ARHGEF11: variants seen among roughly 807,000 people sequenced by gnomAD.
ARHGEF11 encodes the protein Rho guanine exchange factor (GEF) 11.
Under a neutral mutation model 193.7 loss-of-function variants are expected in ARHGEF11, and 55 were observed. The ratio of observed to expected loss-of-function variants is 0.28; its 90% CI spans 0.23 to 0.36. The LOEUF (loss-of-function observed/expected upper bound fraction) is 0.36. Ranked by LOEUF, ARHGEF11 falls within the 10% of genes least tolerant of loss-of-function variation. The probability of loss-of-function intolerance (pLI) is 1.00; values close to 1 mark genes in which losing one functional copy is unlikely to be tolerated. For missense variants in ARHGEF11, 1,723 were observed against 2,005.6 expected (o/e 0.86, Z 2.69); for synonymous variants, 693 against 768.0 (o/e 0.90, Z 1.62).
At chr1:156,978,439 A>C in intron 5 of ARHGEF11, 57 bp from the exon 6 acceptor site, 1 of 1,522,344 alleles carries the variant, frequency 6.6e-7, no homozygotes, top group Non-Finnish European at 8.8e-7. Context: ...GAGACAGTCC[A>C]GCTATACAGG....
At chr1:156,979,877 C>T (rs373499905) in intron 4 of ARHGEF11, among the ~76,000 whole-genome samples, 1 of 152,156 alleles carries the variant, frequency 6.6e-6, no homozygotes, top group African/African-American at 2.4e-5. Flanking sequence ...CTTTTCTAAC[C>T]ATTTGCTTCA....
At chr1:156,985,035 A>T (rs1021598085) in intron 2 of ARHGEF11, among the ~76,000 whole-genome samples, 3 of 151,922 alleles carry the variant, frequency 2.0e-5, no homozygotes, top group African/African-American at 7.3e-5. Flanking sequence ...TTAAAAAAAT[A>T]CAGAATTAAA....
At chr1:157,025,077 C>T (rs1485700041) in intron 1 of ARHGEF11, among the ~76,000 whole-genome samples, 1 of 152,200 alleles carries the variant, frequency 6.6e-6, no homozygotes, top group African/African-American at 2.4e-5. Context: ...AACTTAGGAT[C>T]AATGAACATC....
chr1:157,031,885 C>T (rs1173275899), intron 1 of ARHGEF11, among the ~76,000 whole-genome samples: 1 of 152,186 alleles, frequency 6.6e-6, no homozygotes. Flanking sequence ...GTTAAGAGCT[C>T]TAACAACATT....
At chr1:157,013,263 T>TCTCA (rs1553228483) in intron 1 of ARHGEF11, among the ~76,000 whole-genome samples, 2 of 140,708 alleles carry the variant, frequency 1.4e-5, no homozygotes, top group South Asian at 4.6e-4. Flanking sequence ...CCACTATCAC[T>TCTCA]CACACACACA....
intron 32 of ARHGEF11, among the ~76,000 whole-genome samples, chr1:156,943,531 C>T (rs1010641871): frequency 6.6e-6 from 1 of 152,170 alleles, no homozygotes; most frequent in Non-Finnish European, 1.5e-5. Context: ...TCCACTGGAC[C>T]CAGCTCTGTA....
chr1:156,990,182 A>G (rs1041734318), intron 1 of ARHGEF11, among the ~76,000 whole-genome samples: 1 of 152,232 alleles, frequency 6.6e-6, no homozygotes, highest in Non-Finnish European at 1.5e-5. Context: ...CTTGTCTCTC[A>G]TAACACTGAC....
At chr1:157,039,170 C>T (rs185138044) in intron 1 of ARHGEF11, among the ~76,000 whole-genome samples, 212 of 152,266 alleles carry the variant, frequency 1.4e-3, no homozygotes, top group Non-Finnish European at 1.7e-3. Flanking sequence ...TCTTTTCAAG[C>T]TTTCATTTTC....
At chr1:156,938,627 T>C (rs1451886047) in intron 37 of ARHGEF11, 114 bp from the exon 38 acceptor site, 3 of 913,610 alleles carry the variant, frequency 3.3e-6, no homozygotes, top group African/African-American at 3.4e-5. Flanking sequence ...GAGGAGAAAA[T>C]GGGAAGAACA....
chr1:156,979,031 T>C (rs1663695899), intron 5 of ARHGEF11, among the ~76,000 whole-genome samples, 198 bp downstream of exon 5: 1 of 152,234 alleles, frequency 6.6e-6, no homozygotes, highest in Non-Finnish European at 1.5e-5. Flanking sequence ...AGCCTAGTAC[T>C]GTCTCCACTT....
chr1:157,007,899 G>GTTTTTTTTTTTTGTTTTTTTTTTTTTT (rs1668017982), intron 1 of ARHGEF11, among the ~76,000 whole-genome samples: 1 of 128,948 alleles, frequency 7.8e-6, no homozygotes, highest in African/African-American at 2.9e-5. Context: ...GAAGGCAAAG[G>GTTTTTTTTTTTTGTTTTTTTTTTTTTT]TTTTTTTTTT....
intron 1 of ARHGEF11, among the ~76,000 whole-genome samples, chr1:157,000,076 A>G (rs1572412): frequency 0.47 from 70,912 of 152,070 alleles, 17,344 homozygotes; most frequent in East Asian, 0.8. Flanking sequence ...TGATTCTTGT[A>G]CCTCAGTCTC....
At chr1:156,946,018 T>C in intron 29 of ARHGEF11, 27 bp downstream of exon 29, 1 of 1,587,698 alleles carries the variant, frequency 6.3e-7, no homozygotes, top group Non-Finnish European at 8.6e-7. Flanking sequence ...CCACTGCCTG[T>C]GATGCCAGCC....
At chr1:156,985,906 T>C in intron 2 of ARHGEF11, 176 bp downstream of exon 2, 4 of 541,846 alleles carry the variant, frequency 7.4e-6, no homozygotes, top group Non-Finnish European at 9.9e-6. Context: ...TCCCTGCTCC[T>C]GGGAGGTCAT....
At chr1:156,986,653 C>T (rs1164971582) in intron 1 of ARHGEF11, among the ~76,000 whole-genome samples, 1 of 152,214 alleles carries the variant, frequency 6.6e-6, no homozygotes, top group African/African-American at 2.4e-5. Context: ...CAAACACATA[C>T]AGAGGTCTGC....
intron 1 of ARHGEF11, among the ~76,000 whole-genome samples, chr1:156,993,299 TAC>T (rs1666029381): frequency 6.6e-6 from 1 of 152,166 alleles, no homozygotes; most frequent in Non-Finnish European, 1.5e-5. Context: ...TTTACATACA[TAC>T]ACACACATTC....
intron 38 of ARHGEF11, 38 bp from the exon 39 acceptor site, chr1:156,937,534 CAG>C: frequency 1.3e-6 from 2 of 1,502,540 alleles, no homozygotes; most frequent in Non-Finnish European, 8.9e-7. Context: ...AGGAGGCAAA[CAG>C]AGAAGTCGAA....
At chr1:156,955,412 C>T (rs896201043) in intron 20 of ARHGEF11, among the ~76,000 whole-genome samples, 8 of 152,160 alleles carry the variant, frequency 5.3e-5, no homozygotes, top group African/African-American at 1.9e-4. Flanking sequence ...GTCCACAGGG[C>T]GATCCTTGCC....
At chr1:156,986,274 A>G in intron 1 of ARHGEF11, 101 bp from the exon 2 acceptor site, 1 of 964,692 alleles carries the variant, frequency 1.0e-6, no homozygotes, top group Non-Finnish European at 1.6e-6. Flanking sequence ...GTCTTGGATA[A>G]TGAGAGACCA....
Sources: allele counts gnomAD v4.1 joint callset (sites outside exome capture counted in the v4.1 genomes callset), GRCh38; gene constraint gnomAD v4.1.1; transcripts MANE v1.5; gene names NCBI Gene and HGNC (gene_info 2026-07-23, HGNC 2026-07-21).